MTRES1: variants seen among roughly 807,000 people sequenced by gnomAD.
MTRES1 encodes the protein uncharacterized protein C6orf203.
Under a neutral mutation model 17.4 loss-of-function variants are expected in MTRES1, and 11 were observed. That is an observed-to-expected ratio of 0.63 (90% CI 0.40 to 1.05). The LOEUF is 1.05. MTRES1 is among the 50% of genes least tolerant of loss of function. The pLI is 0.00. For synonymous variants in MTRES1, 94 were observed against 99.6 expected (o/e 0.94, Z 0.34); for missense variants, 268 against 276.2 (o/e 0.97, Z 0.21).
chr6:107,046,930 T>TTTTGTGTGTGTGTGTG (rs1367322880), intron 3 of MTRES1, among the ~76,000 whole-genome samples: 21 of 33,020 alleles, frequency 6.4e-4, no homozygotes, highest in South Asian at 3.4e-3. Flanking sequence ...GGATTCATTC[T>TTTTGTGTGTGTGTGTG]TGTGTGTGTG....
At chr6:107,041,392 G>A (rs78746273) in intron 2 of MTRES1, among the ~76,000 whole-genome samples, 7 of 152,160 alleles carry the variant, frequency 4.6e-5, no homozygotes, top group African/African-American at 1.4e-4. Flanking sequence ...CTAGGATTGA[G>A]TGACTATATA....
chr6:107,045,806 G>A (rs1774372085), intron 3 of MTRES1, among the ~76,000 whole-genome samples: 1 of 152,234 alleles, frequency 6.6e-6, no homozygotes, highest in African/African-American at 2.4e-5. Flanking sequence ...GGGAACAAAG[G>A]TTCCAGAGAA....
intron 1 of MTRES1, chr6:107,028,829 T>A: frequency 6.3e-6 from 6 of 953,788 alleles, no homozygotes; most frequent in East Asian, 2.3e-4. Context: ...CTCCTGAAGA[T>A]GTCACCCAAA....
chr6:107,029,469 G>A (rs1554226156), intron 1 of MTRES1, among the ~76,000 whole-genome samples: 1 of 149,774 alleles, frequency 6.7e-6, no homozygotes, highest in African/African-American at 2.5e-5. Context: ...TTACAGGCGT[G>A]AGCCACCGCG....
At chr6:107,050,961 G>T in intron 3 of MTRES1, 96 bp from the exon 4 acceptor site, 1 of 1,010,724 alleles carries the variant, frequency 9.9e-7, no homozygotes, top group South Asian at 1.5e-5. Context: ...CCTCCTCTGG[G>T]TCATGATCAT....
At position 107,043,689 on chromosome 6, in the gene MTRES1, G is replaced by A. The variant is rs530452828; in HGVS notation, c.471-571G>A. Among the ~76,000 whole-genome samples the A allele has an allele frequency of 1.6e-4, 24 of 152,302 alleles. No homozygotes were observed. The South Asian group carries it at 4.8e-3, about 30-fold the overall frequency. On this transcript the variant is annotated intron_variant, in intron 2 of 3. Coordinates refer to ENST00000311381, the MANE Select transcript of MTRES1 (RefSeq NM_016487.5). ...CTGAGGAAGAGGAGGAAGAGGAGGC[G>A]TTGGACTTGCTGTCTCAGAGGTGGC... is the stretch of plus-strand genomic sequence containing the variant.
At chr6:107,046,984 A>G (rs1774416788) in intron 3 of MTRES1, among the ~76,000 whole-genome samples, 1 of 137,058 alleles carries the variant, frequency 7.3e-6, no homozygotes, top group South Asian at 2.4e-4. Flanking sequence ...GTGTATTTTT[A>G]GTAGAGACGG....
Position 107,051,115 on chromosome 6 carries a change from A to G in MTRES1, c.602A>G (p.Glu201Gly), listed in dbSNP as rs1554229160. 1.2e-6 allele frequency: 2 copies of G among 1,613,856 alleles called. No individual in the cohort carries two copies. The highest frequency in any genetic ancestry group is 2.7e-5 in the African/African-American group (2 of 74,944). The change falls in exon 4 of 4, where the codon GAG becomes GGG. Residue 201 changes from glutamate to glycine, a missense_variant. Coordinates refer to ENST00000311381, the MANE Select transcript of MTRES1 (RefSeq NM_016487.5). ...GGAGAGGATAAAGAAGCAGGAACAG[A>G]GACAGTTATGCGGATTCTCTTGAAA... ...LIGEDKEAGT[E>G]TVMRILLKKV...
rs986121539 is a variant in MTRES1 at position 107,039,844 on chromosome 6, G to A, written c.84G>A (p.Gly28=). 2.5e-6 allele frequency: 4 copies of A among 1,613,934 alleles called. No homozygotes were observed. In the African/African-American group the frequency reaches 4.0e-5, roughly 16 times the overall value. Residue 28 remains glycine (G), a synonymous_variant, in exon 2 of 4, where the codon GGG becomes GGA. Transcript: ENST00000311381. ...AWIGLWGVLR[G]TPSSYKLCTS... ...TTGGACTCTGGGGTGTTCTCCGAGG[G>A]ACACCTTCATCATACAAACTCTGTA... is the stretch of plus-strand genomic sequence containing the variant.
intron 2 of MTRES1, among the ~76,000 whole-genome samples, chr6:107,042,829 GC>G (rs1417784825): frequency 3.3e-5 from 5 of 152,160 alleles, no homozygotes; most frequent in Non-Finnish European, 7.3e-5. Flanking sequence ...AGTACCCCAG[GC>G]CCCTGTCCAG....
intron 2 of MTRES1, among the ~76,000 whole-genome samples, chr6:107,043,297 G>A (rs557391675): frequency 7.3e-5 from 11 of 150,926 alleles, no homozygotes; most frequent in South Asian, 4.2e-4. Context: ...CCACACCACC[G>A]CACTCCAGCC....
chr6:107,036,812 T>C (rs1025719488), intron 1 of MTRES1, among the ~76,000 whole-genome samples: 2 of 149,826 alleles, frequency 1.3e-5, no homozygotes, highest in South Asian at 4.2e-4. Flanking sequence ...ATCGCGCCAC[T>C]GTACTCCAGC....
At chr6:107,030,325 G>T (rs569504279) in intron 1 of MTRES1, among the ~76,000 whole-genome samples, 2 of 152,306 alleles carry the variant, frequency 1.3e-5, no homozygotes, top group South Asian at 2.1e-4. Context: ...ATGTGCCCAC[G>T]TGGAGGTGTC....
At chr6:107,040,689 T>G (rs1473949998) in intron 2 of MTRES1, 1 of 153,510 alleles carries the variant, frequency 6.5e-6, no homozygotes, top group Non-Finnish European at 1.4e-5. Flanking sequence ...GCCAATATGG[T>G]GAAACCCTGT....
chr6:107,039,026 C>T (rs1182433295), intron 1 of MTRES1, among the ~76,000 whole-genome samples: 1 of 151,986 alleles, frequency 6.6e-6, no homozygotes, highest in African/African-American at 2.4e-5. Context: ...TGCACTCCAG[C>T]CTGGGCAACA....
intron 3 of MTRES1, among the ~76,000 whole-genome samples, chr6:107,044,688 T>C (rs982005264): frequency 2.0e-5 from 3 of 152,226 alleles, no homozygotes; most frequent in Non-Finnish European, 4.4e-5. Context: ...AATTGTTCTT[T>C]GGCCAGTGGT....
At position 107,039,865 on chromosome 6, in the gene MTRES1, C is replaced by G. The variant is rs782390231; in HGVS notation, c.105C>G (p.Leu35=). The G allele has an allele frequency of 6.2e-7, 1 of 1,614,158 alleles. No individual in the cohort carries two copies. Among genetic ancestry groups the G allele is most frequent in the Non-Finnish European group, 8.5e-7 (1 of 1,180,030 alleles). Residue 35 remains leucine, a synonymous_variant, in exon 2 of 4, where the codon CTC becomes CTG. Coordinates refer to ENST00000311381, the MANE Select transcript of MTRES1 (RefSeq NM_016487.5). ...GAGGGACACCTTCATCATACAAACTCTGTACTTCCTGGAATCGATACTTGT... is the reference window on the plus strand; with the variant it reads ...GAGGGACACCTTCATCATACAAACTGTGTACTTCCTGGAATCGATACTTGT... ...VLRGTPSSYK[L]CTSWNRYLYF... is the part of the protein sequence containing the mutation.
At chr6:107,043,053 C>A (rs73761792) in intron 2 of MTRES1, among the ~76,000 whole-genome samples, 1 of 152,028 alleles carries the variant, frequency 6.6e-6, no homozygotes, top group East Asian at 1.9e-4. Flanking sequence ...AATGGAGGGC[C>A]GGGTGCGGTG....
At chr6:107,044,975 G>A (rs973188554) in intron 3 of MTRES1, among the ~76,000 whole-genome samples, 2 of 152,060 alleles carry the variant, frequency 1.3e-5, no homozygotes, top group African/African-American at 2.4e-5. Flanking sequence ...GATCGCTTGA[G>A]CCCAGGAGTT....
Sources: allele counts gnomAD v4.1 joint callset (sites outside exome capture counted in the v4.1 genomes callset), GRCh38; gene constraint gnomAD v4.1.1; transcripts MANE v1.5; gene names NCBI Gene and HGNC (gene_info 2026-07-23, HGNC 2026-07-21).